SCP2: variants seen among roughly 807,000 people sequenced by gnomAD.
SCP2 encodes the protein sterol carrier protein 2.
SCP2 carries 48 observed loss-of-function variants against 71.4 expected under a neutral mutation model. That is an observed-to-expected ratio of 0.67 (90% CI 0.53 to 0.86). SCP2 has a LOEUF of 0.86. Among genes scored for constraint, SCP2 ranks in the 40% least tolerant of loss-of-function variants. SCP2 has a pLI of 0.00. For synonymous variants in SCP2, 220 were observed against 218.1 expected, an observed-to-expected ratio of 1.01 and a Z score of -0.08; for missense variants, 560 against 655.6, an observed-to-expected ratio of 0.85 and a Z score of 1.59.
intron 11 of SCP2, chr1:52,994,700 C>CA: frequency 1.2e-5 from 8 of 690,508 alleles, no homozygotes; most frequent in South Asian, 1.5e-5. Flanking sequence ...TTGAGGCGAG[C>CA]AAAAAAATTA....
Position 52,948,054 on chromosome 1 carries a change from A to C in SCP2, c.173A>C (p.Asp58Ala). 6.2e-7 allele frequency: 1 copy of C among 1,613,044 alleles called. No homozygotes were observed. The highest frequency in any genetic ancestry group is 8.5e-7 in the Non-Finnish European group (1 of 1,179,042). The change falls in exon 3 of 16, where the codon GAC becomes GCC. Residue 58 changes from aspartate to alanine, a missense_variant. This residue lies in a region of SCP2 where 513 missense variants were observed against 573.1 expected (regional missense o/e 0.90). Transcript: ENST00000371514. The stretch of plus-strand genomic sequence containing the variant: ...GCACAGATCCCTTATTCAGCAGTGG[A>C]CCAGGCATGTGTTGGCTATGTTTTT... ...ADAQIPYSAV[D>A]QACVGYVFGD...
chr1:52,976,336 TG>T (rs1376574074), intron 7 of SCP2, among the ~76,000 whole-genome samples: 3 of 152,148 alleles, frequency 2.0e-5, no homozygotes, highest in Admixed American at 1.3e-4. Context: ...TGTAGTCACA[TG>T]GTTGGTCTTT....
rs1226607513 is a variant in SCP2 at position 53,015,041 on chromosome 1, C to G, written c.1233C>G (p.Ala411=). The G allele has an allele frequency of 6.2e-7, 1 of 1,614,000 alleles. No homozygotes were observed. Among genetic ancestry groups the G allele is most frequent in the Non-Finnish European group, 8.5e-7 (1 of 1,179,900 alleles). The stretch of plus-strand genomic sequence containing the variant: ...ACAAGATGGGTTTTCCGGAAGCCGC[C>G]AGGTGAGTGACATTCAGAGTTTTGT... ...TLYKMGFPEA[A]SSFRTHQIEA... Residue 411 remains alanine, a splice_region_variant and synonymous_variant, in exon 12 of 16, where the codon GCC becomes GCG. Transcript: ENST00000371514.
chr1:52,929,087 T>C (rs1165743319), intron 1 of SCP2, among the ~76,000 whole-genome samples: 2 of 152,142 alleles, frequency 1.3e-5, no homozygotes, highest in Non-Finnish European at 2.9e-5. Flanking sequence ...GTAGTGCCAT[T>C]AATGATGTGC....
chr1:52,928,331 G>T (rs529955474), intron 1 of SCP2, among the ~76,000 whole-genome samples: 1 of 152,318 alleles, frequency 6.6e-6, no homozygotes, highest in African/African-American at 2.4e-5. Flanking sequence ...CGCCCTGAAC[G>T]TTCCTGATGC....
At chr1:53,003,757 G>A (rs892186577) in intron 11 of SCP2, among the ~76,000 whole-genome samples, 8 of 152,190 alleles carry the variant, frequency 5.3e-5, no homozygotes, top group African/African-American at 1.9e-4. Flanking sequence ...AAACTCCTGG[G>A]CTCAAGTGGT....
Position 53,041,716 on chromosome 1 carries a change from A to G in SCP2, c.1468+2670A>G, listed in dbSNP as rs969261487. Among the ~76,000 whole-genome samples, 18 of 152,154 alleles carry G rather than the reference A, an allele frequency of 1.2e-4. 1 individual carries two copies. The highest frequency in any genetic ancestry group is 4.1e-4 in the African/African-American group (17 of 41,440). ...GCCAGAGATACTGGAGGTGAAGGTA[A>G]TGGGACCTGGGAATTGTATAGAAGA... On this transcript the variant is annotated intron_variant, in intron 14 of 15. Coordinates refer to ENST00000371514, the MANE Select transcript of SCP2 (RefSeq NM_002979.5).
chr1:52,993,623 C>T (rs1196973377), intron 11 of SCP2: 15 of 1,612,332 alleles, frequency 9.3e-6, no homozygotes, highest in South Asian at 2.2e-5. Context: ...AATATCTAGC[C>T]GGGCTGCTCT....
chr1:52,983,530 C>G (rs1658710623), intron 10 of SCP2, among the ~76,000 whole-genome samples: 1 of 152,214 alleles, frequency 6.6e-6, no homozygotes, highest in Non-Finnish European at 1.5e-5. Flanking sequence ...CTGTTCTTCA[C>G]ATTTGATAAT....
At chr1:52,932,200 TTCAGTTTGAAAAGCCAA>T (rs1264659589) in intron 1 of SCP2, among the ~76,000 whole-genome samples, 3 of 152,144 alleles carry the variant, frequency 2.0e-5, no homozygotes, top group Non-Finnish European at 4.4e-5. Context: ...AACTGAATTT[TTCAGTTTGAAAAGCCAA>T]TCCGATGAAT....
rs915466736 is a variant in SCP2, at chr1:52,999,540, A to G, written c.1081+11404A>G. On this transcript the variant is annotated intron_variant, in intron 11 of 15. Coordinates refer to ENST00000371514, the MANE Select transcript of SCP2 (RefSeq NM_002979.5). ...GGTTTCTGATTTTGTTTAGATCTGG[A>G]TGAAAGTTTCTACCTGCCATAACAG... is the stretch of plus-strand genomic sequence containing the variant. Among the ~76,000 whole-genome samples the G allele has an allele frequency of 1.3e-5, 2 of 152,310 alleles. 1 individual carries two copies. The highest frequency in any genetic ancestry group is 4.8e-5 in the African/African-American group (2 of 41,572).
intron 1 of SCP2, among the ~76,000 whole-genome samples, chr1:52,933,937 G>T (rs948628018): frequency 1.2e-4 from 18 of 152,196 alleles, no homozygotes; most frequent in Admixed American, 7.9e-4. Context: ...CACCAAACTA[G>T]TAGTCACTAT....
chr1:52,961,276 G>A (rs912053180), intron 5 of SCP2, among the ~76,000 whole-genome samples: 6 of 149,904 alleles, frequency 4.0e-5, no homozygotes, highest in Non-Finnish European at 7.4e-5. Flanking sequence ...CATACTGGAT[G>A]CCCAATAAAT....
At chr1:53,024,331 A>G (rs1485655527) in intron 12 of SCP2, among the ~76,000 whole-genome samples, 1 of 152,096 alleles carries the variant, frequency 6.6e-6, no homozygotes, top group Non-Finnish European at 1.5e-5. Flanking sequence ...TTACTCTTTA[A>G]TGGGTAGAGT....
In SCP2 at chr1:53,028,085, A is replaced by G; in HGVS notation, c.1338+14A>G. On this transcript the variant is annotated intron_variant, in intron 13 of 15. Transcript: ENST00000371514. ...AAACTTGAAGAGGTAAGATTTATGT[A>G]AAATATTGCCAGGAAGGACCTTGAG... 7.0e-7 allele frequency: 1 copy of G among 1,433,702 alleles called. No homozygotes were observed. The allele number at this position is 1,433,702 out of a possible 1,614,324, so 88.8% of individuals were successfully genotyped here.
chr1:52,961,066 C>CTTTT (rs774047289), intron 5 of SCP2, among the ~76,000 whole-genome samples: 15 of 92,092 alleles, frequency 1.6e-4, no homozygotes, highest in Non-Finnish European at 2.3e-4. Context: ...TCCTTTGGTT[C>CTTTT]TTTTTTTTTT....
At chr1:52,959,474 G>C (rs938481432) in intron 5 of SCP2, among the ~76,000 whole-genome samples, 1 of 152,066 alleles carries the variant, frequency 6.6e-6, no homozygotes, top group African/African-American at 2.4e-5. Context: ...TTACAGGCAT[G>C]AGCCACCGCG....
At chr1:53,024,423 TA>T (rs1214050595) in intron 12 of SCP2, among the ~76,000 whole-genome samples, 1 of 152,184 alleles carries the variant, frequency 6.6e-6, no homozygotes, top group Non-Finnish European at 1.5e-5. Flanking sequence ...TTAATACTAC[TA>T]AACTGAACAC....
At chr1:53,001,149 A>G (rs1660291725) in intron 11 of SCP2, among the ~76,000 whole-genome samples, 1 of 152,114 alleles carries the variant, frequency 6.6e-6, no homozygotes, top group African/African-American at 2.4e-5. Context: ...GGTAACTACT[A>G]GTCTCAGGAA....
Sources: allele counts gnomAD v4.1 joint callset (sites outside exome capture counted in the v4.1 genomes callset), GRCh38; gene constraint gnomAD v4.1.1; regional missense constraint gnomAD v4.1.1; transcripts MANE v1.5; gene names NCBI Gene and HGNC (gene_info 2026-07-23, HGNC 2026-07-21).